Variants in RORA observed in about 807,000 individuals in gnomAD.
RORA encodes nuclear receptor ROR-alpha.
In RORA, 7 loss-of-function variants were observed where a neutral mutation model predicts 69.5. That is an observed-to-expected ratio of 0.10 (90% CI 0.06 to 0.19). The LOEUF (loss-of-function observed/expected upper bound fraction) is 0.19. Ranked by LOEUF, RORA falls within the 10% of genes least tolerant of loss-of-function variation. The pLI is 1.00. For synonymous variants in RORA, 261 were observed against 240.8 expected, an observed-to-expected ratio of 1.08 and a Z score of -0.78; for missense variants, 457 against 663.0, an observed-to-expected ratio of 0.69 and a Z score of 3.41.
intron 1 of RORA, among the ~76,000 whole-genome samples, chr15:60,680,574 G>A (rs2070628363): frequency 6.6e-6 from 1 of 152,060 alleles, no homozygotes; most frequent in African/African-American, 2.4e-5. Context: ...GAGGAAGCAT[G>A]ACTTTGGCAA....
intron 1 of RORA, among the ~76,000 whole-genome samples, chr15:60,768,393 G>C (rs369358583): frequency 6.6e-6 from 1 of 152,184 alleles, no homozygotes; most frequent in East Asian, 1.9e-4. Context: ...GCTTGTGAAC[G>C]TACCTGAAAG....
At chr15:61,084,114 C>T (rs895015879) in intron 1 of RORA, among the ~76,000 whole-genome samples, 1 of 152,198 alleles carries the variant, frequency 6.6e-6, no homozygotes, top group African/African-American at 2.4e-5. Context: ...CTCAGACTGG[C>T]TCCAAGAGGG....
chr15:60,535,324 A>C (rs16942723), intron 2 of RORA, among the ~76,000 whole-genome samples: 3,871 of 152,348 alleles, frequency 0.025, 173 homozygotes, highest in African/African-American at 0.09. Context: ...ACAATGAACA[A>C]TCTTGCTATG....
chr15:60,672,726 C>G (rs1043093230), intron 2 of RORA, among the ~76,000 whole-genome samples: 4 of 152,148 alleles, frequency 2.6e-5, no homozygotes, highest in African/African-American at 9.7e-5. Context: ...GTACAAAGCT[C>G]CTAAAGCTGA....
rs200228739 is a variant in RORA, at chr15:60,511,580, A to G, written c.466T>C (p.Leu156=). The G allele has an allele frequency of 3.8e-5, 61 of 1,611,832 alleles. No homozygotes were observed. Among genetic ancestry groups the G allele is most frequent in the Non-Finnish European group, 4.7e-5 (55 of 1,178,648 alleles). ...CGGTGTTTCTGTACTTCTGCATACA[A>G]GCTGTCTCTCTGCTTTTTTGACATT... ...GRMSKKQRDS[L]YAEVQKHRMQ... is the part of the protein sequence containing the mutation. The change falls in exon 5 of 11, where the codon TTG becomes CTG. Residue 156 remains leucine, a synonymous_variant. Transcript: ENST00000335670. The surrounding 1 kb of genome is among the most constrained non-coding windows in gnomAD (Gnocchi z 6.4).
intron 1 of RORA, among the ~76,000 whole-genome samples, chr15:60,818,287 T>A (rs527602451): frequency 6.6e-6 from 1 of 152,260 alleles, no homozygotes; most frequent in East Asian, 1.9e-4. Context: ...ATGCAAAAAA[T>A]AAAATCATCC....
intron 1 of RORA, among the ~76,000 whole-genome samples, chr15:61,134,222 A>G (rs1442044104): frequency 6.6e-6 from 1 of 152,208 alleles, no homozygotes; most frequent in Non-Finnish European, 1.5e-5. Flanking sequence ...GAAAGTGCAG[A>G]ATGGTCTGCC....
At chr15:61,064,038 T>A (rs573794762) in intron 1 of RORA, among the ~76,000 whole-genome samples, 1 of 152,294 alleles carries the variant, frequency 6.6e-6, no homozygotes, top group Admixed American at 6.5e-5. Flanking sequence ...ATCAAGCCCA[T>A]ACCAGCCACA....
chr15:61,110,199 C>A (rs2078991005), intron 1 of RORA, among the ~76,000 whole-genome samples: 1 of 152,124 alleles, frequency 6.6e-6, no homozygotes, highest in Non-Finnish European at 1.5e-5. Flanking sequence ...GAGATCATGA[C>A]CATCCTGGCC....
chr15:60,683,647 TACACACACACACAC>T (rs59854874), intron 1 of RORA, among the ~76,000 whole-genome samples: 1 of 148,622 alleles, frequency 6.7e-6, no homozygotes, highest in Non-Finnish European at 1.5e-5. Context: ...CAGATACACA[TACACACACACACAC>T]ACACACACAC....
At chr15:60,780,576 C>CT (rs974024862) in intron 1 of RORA, among the ~76,000 whole-genome samples, 7 of 152,108 alleles carry the variant, frequency 4.6e-5, no homozygotes, top group Non-Finnish European at 8.8e-5. Flanking sequence ...CTCTTTCATT[C>CT]TTTTTTTCAT....
At chr15:60,820,027 C>G (rs1229824463) in intron 1 of RORA, among the ~76,000 whole-genome samples, 4 of 152,256 alleles carry the variant, frequency 2.6e-5, no homozygotes, top group African/African-American at 4.8e-5. Context: ...TCCCTAACAT[C>G]CCAAACTAAA....
chr15:61,211,014 T>C (rs2079986358), intron 1 of RORA, among the ~76,000 whole-genome samples: 1 of 152,192 alleles, frequency 6.6e-6, no homozygotes, highest in Non-Finnish European at 1.5e-5. Flanking sequence ...GCTGGTTAGA[T>C]TTCATCTTGT....
chr15:60,504,418 A>G (rs1258212768), intron 6 of RORA, among the ~76,000 whole-genome samples: 3 of 152,050 alleles, frequency 2.0e-5, no homozygotes, highest in African/African-American at 4.8e-5. Flanking sequence ...GTGGTGGTAC[A>G]CACCGGTACT....
intron 1 of RORA, among the ~76,000 whole-genome samples, chr15:61,053,234 G>C (rs2078039027): frequency 6.6e-6 from 1 of 152,052 alleles, no homozygotes; most frequent in Non-Finnish European, 1.5e-5. Flanking sequence ...TACTGTTACT[G>C]TTTGCATACA....
chr15:60,587,342 AC>A (rs1312887194), intron 2 of RORA, among the ~76,000 whole-genome samples: 5 of 152,226 alleles, frequency 3.3e-5, no homozygotes, highest in Non-Finnish European at 5.9e-5. Flanking sequence ...GCAAAGCATT[AC>A]ATAATTGGAT....
chr15:60,880,821 A>G (rs757132903), intron 1 of RORA, among the ~76,000 whole-genome samples: 45 of 152,204 alleles, frequency 3.0e-4, no homozygotes, highest in Non-Finnish European at 5.6e-4. Context: ...TAAATTTAAT[A>G]CGTGTCTGAC....
In RORA at chr15:60,499,910, T is replaced by G. The variant is rs1555422017; in HGVS notation, c.1389A>C (p.Glu463Asp). Residue 463 changes from glutamate (E) to aspartate (D), a missense_variant, in exon 10 of 11, where the codon GAA becomes GAC. Transcript: ENST00000335670. ...CACTCACCTTTGTTAGTATTCCATC[T>G]TCTCGGTGATTCTTCTGTAGGACGT... ...LQHVLQKNHREDGILTKLICK... is the reference protein window; with the variant it reads ...LQHVLQKNHRDDGILTKLICK... 6.2e-7 allele frequency: 1 copy of G among 1,607,098 alleles called. No homozygotes were observed. Among genetic ancestry groups the G allele is most frequent in the Non-Finnish European group, 8.5e-7 (1 of 1,174,798 alleles).
intron 2 of RORA, among the ~76,000 whole-genome samples, chr15:60,637,713 T>C (rs1026459950): frequency 3.9e-5 from 6 of 152,192 alleles, no homozygotes; most frequent in Non-Finnish European, 7.4e-5. Context: ...AGATTCTTTT[T>C]ACATATGCGA....
Sources: gnomAD v4.1 joint callset for allele counts (sites outside exome capture counted in the v4.1 genomes callset) on GRCh38, gnomAD v4.1.1 for gene constraint, Gnocchi (gnomAD v3.1) non-coding constraint, MANE v1.5 for transcripts, NCBI Gene and HGNC (gene_info 2026-07-23, HGNC 2026-07-21) for gene names.